Variants in EMCN observed in about 807,000 individuals in gnomAD.
EMCN encodes the protein endomucin.
Under a neutral mutation model 38.4 loss-of-function variants are expected in EMCN, and 37 were observed. The observed-to-expected ratio is 0.96, with a 90% CI of 0.74 to 1.27. The LOEUF (loss-of-function observed/expected upper bound fraction) is 1.27. EMCN is among the 50% of genes most tolerant of loss of function. The pLI, the probability that EMCN is intolerant of heterozygous loss-of-function variation, is 0.00. For synonymous variants in EMCN, 95 were observed against 100.8 expected (o/e 0.94, Z 0.35); for missense variants, 318 against 302.8 (o/e 1.05, Z -0.37).
chr4:100,445,898 G>A (rs932618502), intron 5 of EMCN: 9 of 198,082 alleles, frequency 4.5e-5, no homozygotes, highest in African/African-American at 1.4e-4. Flanking sequence ...AATCCACTAC[G>A]CAAATAAATT....
rs552572106 is a variant in EMCN at position 100,465,562 on chromosome 4, T to A, written c.260-23A>T. The A allele has an allele frequency of 2.7e-5, 36 of 1,343,016 alleles. No individual in the cohort carries two copies. In the African/African-American group the frequency reaches 4.8e-4, roughly 18 times the overall value. The allele number at this position is 1,343,016 out of a possible 1,614,324, so 83.2% of individuals were successfully genotyped here. Reference sequence around the variant, plus strand: ...ATCCTATAAAAAGAATGAACAGTCATCAGGAGTATAACAAATCACCAGATC... The same window carrying A: ...ATCCTATAAAAAGAATGAACAGTCAACAGGAGTATAACAAATCACCAGATC... On this transcript the variant is annotated intron_variant, in intron 3 of 11. Transcript: ENST00000296420.
chr4:100,400,344 C>T (rs1305812839), intron 11 of EMCN, among the ~76,000 whole-genome samples: 2 of 141,948 alleles, frequency 1.4e-5, no homozygotes, highest in Non-Finnish European at 3.0e-5. Flanking sequence ...CTCTCTTCAC[C>T]TAGGCCACAT....
chr4:100,482,372 A>G (rs1728831953), intron 1 of EMCN, among the ~76,000 whole-genome samples: 1 of 152,084 alleles, frequency 6.6e-6, no homozygotes, highest in African/African-American at 2.4e-5. Flanking sequence ...ATGTGATTCT[A>G]GTTAAAAATT....
intron 1 of EMCN, among the ~76,000 whole-genome samples, chr4:100,490,984 G>C (rs1277914700): frequency 6.6e-6 from 1 of 152,030 alleles, no homozygotes; most frequent in East Asian, 1.9e-4. Context: ...TGTCTCTTTA[G>C]TTCTCTTACC....
At chr4:100,437,536 T>A (rs1727390801) in intron 5 of EMCN, among the ~76,000 whole-genome samples, 1 of 152,272 alleles carries the variant, frequency 6.6e-6, no homozygotes, top group South Asian at 2.1e-4. Flanking sequence ...TTATAGTTTC[T>A]GGTCTTACCT....
At chr4:100,497,575 A>G (rs1729242675) in intron 1 of EMCN, among the ~76,000 whole-genome samples, 1 of 151,984 alleles carries the variant, frequency 6.6e-6, no homozygotes, top group Non-Finnish European at 1.5e-5. Flanking sequence ...GCCGGGTTTC[A>G]CCGTGTTAGC....
intron 4 of EMCN, among the ~76,000 whole-genome samples, chr4:100,454,169 A>G (rs1401008168): frequency 6.6e-6 from 1 of 150,530 alleles, no homozygotes; most frequent in African/African-American, 2.4e-5. Context: ...AACTTAAAGT[A>G]TAATAATAAT....
intron 3 of EMCN, among the ~76,000 whole-genome samples, chr4:100,470,362 G>T (rs918907055): frequency 1.2e-4 from 16 of 131,454 alleles, no homozygotes; most frequent in African/African-American, 4.1e-4. Flanking sequence ...AGTTAGAATG[G>T]CTATTACTAA....
intron 8 of EMCN, among the ~76,000 whole-genome samples, chr4:100,419,580 CA>C (rs1279149646): frequency 2.0e-5 from 3 of 152,084 alleles, no homozygotes; most frequent in African/African-American, 7.2e-5. Context: ...TTTAGTATAG[CA>C]TATTTTTACA....
chr4:100,498,774 A>G (rs1729276314), intron 1 of EMCN, among the ~76,000 whole-genome samples: 1 of 152,220 alleles, frequency 6.6e-6, no homozygotes, highest in Non-Finnish European at 1.5e-5. Flanking sequence ...CTACATTTAA[A>G]CATTTAATGA....
intron 1 of EMCN, among the ~76,000 whole-genome samples, chr4:100,508,145 C>T (rs1178598840): frequency 1.3e-5 from 2 of 152,120 alleles, no homozygotes; most frequent in African/African-American, 4.8e-5. Context: ...TTTCATATCA[C>T]TTGATTAAAC....
intron 5 of EMCN, among the ~76,000 whole-genome samples, chr4:100,432,439 G>A (rs1473296306): frequency 6.6e-6 from 1 of 152,100 alleles, no homozygotes; most frequent in African/African-American, 2.4e-5. Flanking sequence ...ATATTGACTT[G>A]TGTCCTTAGT....
Position 100,457,071 on chromosome 4 carries a change from G to GT in EMCN, c.376+8351dup, listed in dbSNP as rs200860392. Among the ~76,000 whole-genome samples, 604 of 151,170 alleles carry GT rather than the reference G, an allele frequency of 4.0e-3. 3 individuals carry two copies. The highest frequency in any genetic ancestry group is 0.022 in the East Asian group (112 of 5,150). On this transcript the variant is annotated intron_variant, in intron 4 of 11. Coordinates refer to ENST00000296420, the MANE Select transcript of EMCN (RefSeq NM_016242.4). ...AAATGTTCCTATTTATTTCGATTTA[G>GT]TTTTTTTTGCCTTAAATTCTACTTT...
intron 3 of EMCN, 104 bp from the exon 4 acceptor site, chr4:100,465,643 A>C (rs1728295958): frequency 1.7e-6 from 1 of 581,766 alleles, no homozygotes; most frequent in Admixed American, 3.0e-5. Context: ...AATTTCTAGA[A>C]GTCTTCTGAC....
At chr4:100,502,396 T>G (rs898058764) in intron 1 of EMCN, among the ~76,000 whole-genome samples, 1 of 152,210 alleles carries the variant, frequency 6.6e-6, no homozygotes, top group Non-Finnish European at 1.5e-5. Context: ...TGTGGCTTGA[T>G]TTTTCAGGCC....
intron 1 of EMCN, among the ~76,000 whole-genome samples, chr4:100,511,141 A>G (rs1265676206): frequency 6.6e-6 from 1 of 152,212 alleles, no homozygotes; most frequent in East Asian, 1.9e-4. Context: ...AGAAAACTCA[A>G]CTTACTGAAG....
chr4:100,444,199 G>C (rs937547751), intron 5 of EMCN, among the ~76,000 whole-genome samples: 1 of 152,202 alleles, frequency 6.6e-6, no homozygotes, highest in Non-Finnish European at 1.5e-5. Flanking sequence ...GGAGGGCAGG[G>C]TGGCACAGCT....
intron 1 of EMCN, among the ~76,000 whole-genome samples, chr4:100,514,394 C>G (rs551292082): frequency 5.3e-5 from 8 of 152,132 alleles, no homozygotes; most frequent in African/African-American, 1.9e-4. Flanking sequence ...AAAGCTCTTC[C>G]TAGACCCTTC....
At chr4:100,403,465 G>A (rs1726312962) in intron 11 of EMCN, among the ~76,000 whole-genome samples, 1 of 151,706 alleles carries the variant, frequency 6.6e-6, no homozygotes, top group Admixed American at 6.6e-5. Flanking sequence ...CTAGGTTGGT[G>A]GGCATCTAGG....
Sources: gnomAD v4.1 joint callset for allele counts (sites outside exome capture counted in the v4.1 genomes callset) on GRCh38, gnomAD v4.1.1 for gene constraint, MANE v1.5 for transcripts, NCBI Gene and HGNC (gene_info 2026-07-23, HGNC 2026-07-21) for gene names.